The following PDE4D variants were observed in gnomAD, a reference collection of about 807,000 sequenced individuals.
PDE4D encodes the protein phosphodiesterase 4D, also known as 3',5'-cyclic-AMP phosphodiesterase 4D.
PDE4D carries 24 observed loss-of-function variants against 87.4 expected under a neutral mutation model. That is an observed-to-expected ratio of 0.27 (90% CI 0.20 to 0.39). The LOEUF (loss-of-function observed/expected upper bound fraction) is 0.39, where lower values mean the gene tolerates loss of function less well. Ranked by LOEUF, PDE4D falls within the 10% of genes least tolerant of loss-of-function variation. The pLI is 1.00. For synonymous variants in PDE4D, 384 were observed against 383.2 expected (o/e 1.00, Z -0.02); for missense variants, 714 against 1,041.0 (o/e 0.69, Z 4.32).
chr5:59,922,923 C>T (rs948445112), intron 3 of PDE4D, among the ~76,000 whole-genome samples: 1 of 152,120 alleles, frequency 6.6e-6, no homozygotes, highest in Admixed American at 6.5e-5. Context: ...CCATTCCAGG[C>T]CCTGGCTCTC....
intron 5 of PDE4D, among the ~76,000 whole-genome samples, chr5:59,144,658 C>T (rs1212280292): frequency 2.6e-5 from 4 of 152,086 alleles, no homozygotes; most frequent in Non-Finnish European, 4.4e-5. Context: ...TATATCTAAG[C>T]CCCATGAAGT....
At chr5:60,144,863 A>G (rs534710289) in intron 2 of PDE4D, among the ~76,000 whole-genome samples, 1 of 152,340 alleles carries the variant, frequency 6.6e-6, no homozygotes, top group African/African-American at 2.4e-5. Context: ...CTGATAAATG[A>G]ATTAACTAAT....
chr5:59,623,793 A>C (rs1270331113), intron 1 of PDE4D, among the ~76,000 whole-genome samples: 4 of 152,222 alleles, frequency 2.6e-5, no homozygotes, highest in Non-Finnish European at 5.9e-5. Context: ...TTTCTCTGCA[A>C]TGCTATTTTT....
intron 1 of PDE4D, among the ~76,000 whole-genome samples, chr5:59,708,004 T>C (rs1753692599): frequency 6.6e-6 from 1 of 152,166 alleles, no homozygotes; most frequent in South Asian, 2.1e-4. Flanking sequence ...AAATCCTATT[T>C]CTGGTTCTAG....
At chr5:60,064,908 T>A (rs1182184961) in intron 2 of PDE4D, among the ~76,000 whole-genome samples, 1 of 152,168 alleles carries the variant, frequency 6.6e-6, no homozygotes, top group African/African-American at 2.4e-5. Context: ...TGCTGTTCTA[T>A]ACACCTTATC....
At chr5:59,545,605 A>G (rs1354711635) in intron 1 of PDE4D, among the ~76,000 whole-genome samples, 2 of 152,224 alleles carry the variant, frequency 1.3e-5, no homozygotes, top group Non-Finnish European at 2.9e-5. Flanking sequence ...ACTTTGTTAA[A>G]TGATATGTGG....
intron 2 of PDE4D, among the ~76,000 whole-genome samples, chr5:59,993,661 A>G (rs143256509): frequency 2.0e-5 from 3 of 152,262 alleles, no homozygotes; most frequent in Non-Finnish European, 4.4e-5. Context: ...TTGTTTTAGT[A>G]TCTTTATTAA....
chr5:60,037,988 G>T (rs1041299810), intron 2 of PDE4D, among the ~76,000 whole-genome samples: 1 of 152,056 alleles, frequency 6.6e-6, no homozygotes, highest in Non-Finnish European at 1.5e-5. Flanking sequence ...GAAAAATTTA[G>T]GTGGCTCCAT....
At chr5:59,399,913 G>T (rs1790259271) in intron 1 of PDE4D, among the ~76,000 whole-genome samples, 1 of 112,854 alleles carries the variant, frequency 8.9e-6, no homozygotes, top group South Asian at 3.3e-4. Flanking sequence ...CCATCAAAAA[G>T]TGGGCGAAGG....
intron 2 of PDE4D, among the ~76,000 whole-genome samples, chr5:60,171,898 T>G (rs1034111409): frequency 6.6e-6 from 1 of 151,854 alleles, no homozygotes; most frequent in African/African-American, 2.4e-5. Context: ...TCAATTTTAT[T>G]ATTAAAACCT....
intron 2 of PDE4D, among the ~76,000 whole-genome samples, chr5:60,101,602 GT>G (rs1416326426): frequency 1.3e-5 from 2 of 152,032 alleles, no homozygotes; most frequent in Non-Finnish European, 2.9e-5. Flanking sequence ...AAGCTAACAA[GT>G]TTTTCAATCC....
intron 1 of PDE4D, among the ~76,000 whole-genome samples, chr5:59,521,099 T>G: frequency 7.0e-6 from 1 of 142,364 alleles, no homozygotes; most frequent in Non-Finnish European, 1.6e-5. Flanking sequence ...TAAGGAACAA[T>G]AGGAGATCAC....
At chr5:59,233,423 G>A (rs908578264) in intron 1 of PDE4D, among the ~76,000 whole-genome samples, 10 of 152,152 alleles carry the variant, frequency 6.6e-5, no homozygotes, top group Non-Finnish European at 1.2e-4. Flanking sequence ...AGAGTCTATA[G>A]AAAAATTCTA....
chr5:59,002,049 A>G (rs771473075), intron 6 of PDE4D: 4 of 516,822 alleles, frequency 7.7e-6, no homozygotes, highest in Admixed American at 5.9e-5. Context: ...TGTTTCTTTC[A>G]GTTTATTCCT....
At chr5:58,996,609 TGATAAAGATAGATAG>T (rs897117651) in intron 6 of PDE4D, among the ~76,000 whole-genome samples, 3 of 152,182 alleles carry the variant, frequency 2.0e-5, no homozygotes, top group African/African-American at 7.2e-5. Context: ...TGGGAGTGAT[TGATAAAGATAGATAG>T]AGACCCAGTT....
chr5:59,217,191 C>T (rs1320576004), intron 1 of PDE4D: 2 of 455,484 alleles, frequency 4.4e-6, no homozygotes, highest in African/African-American at 2.0e-5. Flanking sequence ...AGTCAACTTT[C>T]ATGTGTTCTT....
At chr5:59,865,750 G>A (rs1260187360) in intron 1 of PDE4D, among the ~76,000 whole-genome samples, 1 of 152,132 alleles carries the variant, frequency 6.6e-6, no homozygotes, top group Non-Finnish European at 1.5e-5. Context: ...TATTTATTGA[G>A]TGCTGACTTA....
intron 1 of PDE4D, among the ~76,000 whole-genome samples, chr5:60,320,738 C>T (rs935448087): frequency 1.3e-5 from 2 of 152,120 alleles, no homozygotes; most frequent in African/African-American, 2.4e-5. Flanking sequence ...ATTCAAAAAT[C>T]GGTAGCATTT....
At position 59,348,070 on chromosome 5, in the gene PDE4D, C is replaced by G. The variant is rs182663258; in HGVS notation, c.456-132102G>C. On this transcript the variant is annotated intron_variant, in intron 1 of 14. Coordinates refer to ENST00000340635, the MANE Select transcript of PDE4D (RefSeq NM_001104631.2). ...ATGTAAACTTGATGAAAGCAGAGAC[C>G]GCATCCATTTTGTCCCTCACTACAT... Among the ~76,000 whole-genome samples the G allele has an allele frequency of 1.2e-4, 18 of 152,058 alleles. No individual in the cohort carries two copies. In the East Asian group the frequency reaches 3.5e-3, roughly 29 times the overall value.
Sources: allele counts gnomAD v4.1 joint callset (sites outside exome capture counted in the v4.1 genomes callset), GRCh38; gene constraint gnomAD v4.1.1; transcripts MANE v1.5; gene names NCBI Gene and HGNC (gene_info 2026-07-23, HGNC 2026-07-21).